Variants in NME7 observed in about 807,000 individuals in gnomAD.
The protein encoded by NME7 is NME/NM23 family member 7, also known as nucleoside diphosphate kinase 7.
A neutral mutation model predicts 49.1 loss-of-function variants in NME7; 41 were observed. The observed-to-expected ratio is 0.83, with a 90% CI of 0.65 to 1.08. The LOEUF (loss-of-function observed/expected upper bound fraction) is 1.08. NME7 is among the 50% of genes least tolerant of loss of function. The probability of loss-of-function intolerance (pLI) is 0.00; values close to 1 mark genes in which losing one functional copy is unlikely to be tolerated. For missense variants in NME7, 423 were observed against 463.4 expected, an observed-to-expected ratio of 0.91 and a Z score of 0.80; for synonymous variants, 139 against 150.6, an observed-to-expected ratio of 0.92 and a Z score of 0.56.
At chr1:169,347,511 A>G (rs554907244) in intron 1 of NME7, among the ~76,000 whole-genome samples, 1 of 152,320 alleles carries the variant, frequency 6.6e-6, no homozygotes, top group Admixed American at 6.5e-5. Flanking sequence ...ATCCTGTGGC[A>G]TCTGTCCATT....
chr1:169,216,603 G>A (rs1441771640), intron 10 of NME7, among the ~76,000 whole-genome samples: 1 of 152,210 alleles, frequency 6.6e-6, no homozygotes, highest in East Asian at 1.9e-4. Flanking sequence ...CTCAAAGTGG[G>A]GGTTGTGGAA....
intron 3 of NME7, among the ~76,000 whole-genome samples, chr1:169,318,636 G>A (rs1473072067): frequency 6.6e-6 from 1 of 152,156 alleles, no homozygotes; most frequent in African/African-American, 2.4e-5. Flanking sequence ...TTAAGTTCCT[G>A]TGAAAAATCT....
chr1:169,176,346 T>C (rs983668772), intron 10 of NME7, among the ~76,000 whole-genome samples: 3 of 152,096 alleles, frequency 2.0e-5, no homozygotes, highest in Non-Finnish European at 4.4e-5. Flanking sequence ...ACTAATCTCA[T>C]TGAGTGAGCC....
intron 7 of NME7, chr1:169,285,522 A>G (rs1238150469): frequency 6.6e-6 from 1 of 151,962 alleles, no homozygotes; most frequent in Admixed American, 6.6e-5. Flanking sequence ...TATTAGGGCA[A>G]TAGAGTATAG....
At chr1:169,157,832 C>T (rs1245114092) in intron 11 of NME7, among the ~76,000 whole-genome samples, 6 of 152,182 alleles carry the variant, frequency 3.9e-5, no homozygotes, top group Non-Finnish European at 5.9e-5. Flanking sequence ...GAACCAAAGC[C>T]GACTTCGAAG....
intron 7 of NME7, among the ~76,000 whole-genome samples, chr1:169,268,489 T>A (rs2101871192): frequency 7.5e-6 from 1 of 133,206 alleles, no homozygotes; most frequent in East Asian, 2.0e-4. Context: ...CGCATGCAAA[T>A]GTTCACTGAA....
rs575012079 is a variant in NME7 at position 169,158,088 on chromosome 1, T to C, written c.1098+11359A>G. 2.6e-5 allele frequency among the ~76,000 whole-genome samples: 4 copies of C among 152,312 alleles called. No homozygotes were observed. In the South Asian group the frequency reaches 8.3e-4, roughly 32 times the overall value. ...ACTCACTGGGACAGTGGTTTCTAAA[T>C]GCTAGTTTAACTATCAGCCATATCA... On this transcript the variant is annotated intron_variant, in intron 11 of 11. Transcript: ENST00000367811.
At chr1:169,361,362 A>G (rs368246932) in intron 1 of NME7, among the ~76,000 whole-genome samples, 3 of 152,258 alleles carry the variant, frequency 2.0e-5, no homozygotes, top group African/African-American at 7.2e-5. Flanking sequence ...TAAGAGTTTC[A>G]TATCTGCAAT....
intron 9 of NME7, among the ~76,000 whole-genome samples, chr1:169,234,528 T>G (rs573414765): frequency 1.3e-5 from 2 of 152,284 alleles, no homozygotes; most frequent in South Asian, 4.1e-4. Flanking sequence ...TAATATTTAC[T>G]GAGTACTTTT....
rs1658823908 is a variant in NME7 at position 169,148,525 on chromosome 1, T to A, written c.1099-15708A>T. On this transcript the variant is annotated intron_variant, in intron 11 of 11. Coordinates refer to ENST00000367811, the MANE Select transcript of NME7 (RefSeq NM_013330.5). The stretch of plus-strand genomic sequence containing the variant: ...AATATTTTATGAATGAAAAACAGGA[T>A]GAATTCTATTAGGGCAACCATGTTT... 2.0e-5 allele frequency among the ~76,000 whole-genome samples: 3 copies of A among 152,196 alleles called. No homozygotes were observed. In the South Asian group the frequency reaches 6.2e-4, roughly 31 times the overall value.
At chr1:169,342,800 C>T (rs1331006267) in intron 1 of NME7, among the ~76,000 whole-genome samples, 2 of 38,430 alleles carry the variant, frequency 5.2e-5, no homozygotes, top group South Asian at 7.3e-4. Flanking sequence ...TATATATATA[C>T]AAGTACATAT....
intron 10 of NME7, among the ~76,000 whole-genome samples, chr1:169,170,394 A>T (rs962132226): frequency 6.6e-6 from 1 of 152,216 alleles, no homozygotes; most frequent in African/African-American, 2.4e-5. Flanking sequence ...TCTGAGCAGC[A>T]CTCACATTTG....
chr1:169,309,531 T>C (rs1038970822), intron 4 of NME7, among the ~76,000 whole-genome samples: 3 of 152,174 alleles, frequency 2.0e-5, no homozygotes, highest in African/African-American at 7.2e-5. Flanking sequence ...CCATCAATTG[T>C]GAAACTGGTG....
At chr1:169,258,399 T>TACACACAC (rs1432435705) in intron 7 of NME7, among the ~76,000 whole-genome samples, 6 of 68,626 alleles carry the variant, frequency 8.7e-5, no homozygotes, top group African/African-American at 3.3e-4. Context: ...TATATATATA[T>TACACACAC]ATATATACAC....
At chr1:169,229,135 A>G (rs1238772731) in intron 10 of NME7, among the ~76,000 whole-genome samples, 1 of 152,238 alleles carries the variant, frequency 6.6e-6, no homozygotes, top group African/African-American at 2.4e-5. Context: ...TATGGGATTC[A>G]AATTAAATAG....
intron 1 of NME7, among the ~76,000 whole-genome samples, chr1:169,334,048 T>TCC (rs769656362): frequency 2.5e-4 from 38 of 152,190 alleles, no homozygotes; most frequent in Non-Finnish European, 4.1e-4. Context: ...ACAAAAGTGC[T>TCC]CCCTTCTTTA....
At chr1:169,299,386 A>AT (rs2101907700) in intron 5 of NME7, among the ~76,000 whole-genome samples, 1 of 152,290 alleles carries the variant, frequency 6.6e-6, no homozygotes, top group African/African-American at 2.4e-5. Flanking sequence ...TTGACTAAAA[A>AT]TCCAGCACTG....
At chr1:169,302,984 A>G (rs1651006777) in intron 5 of NME7, 161 bp downstream of exon 5, 1 of 428,010 alleles carries the variant, frequency 2.3e-6, no homozygotes, top group East Asian at 3.9e-5. Flanking sequence ...TACTTAATAA[A>G]AAGACAGAGA....
At chr1:169,223,282 T>C (rs1035286783) in intron 10 of NME7, among the ~76,000 whole-genome samples, 1 of 152,166 alleles carries the variant, frequency 6.6e-6, no homozygotes, top group African/African-American at 2.4e-5. Flanking sequence ...TATTCACTTT[T>C]ATCACTACAT....
Sources: gnomAD v4.1 joint callset for allele counts (sites outside exome capture counted in the v4.1 genomes callset) on GRCh38, gnomAD v4.1.1 for gene constraint, MANE v1.5 for transcripts, NCBI Gene and HGNC (gene_info 2026-07-23, HGNC 2026-07-21) for gene names.